TBC1D1: variants seen among roughly 807,000 people sequenced by gnomAD.
The protein encoded by TBC1D1 is TBC1 domain family member 1.
A neutral mutation model predicts 125.6 loss-of-function variants in TBC1D1; 89 were observed. The ratio of observed to expected loss-of-function variants is 0.71; its 90% confidence interval spans 0.60 to 0.85. The LOEUF (loss-of-function observed/expected upper bound fraction) is 0.85, where lower values mean the gene tolerates loss of function less well. Among genes scored for constraint, TBC1D1 ranks in the 40% least tolerant of loss-of-function variants. The pLI is 0.00. For missense variants in TBC1D1, 1,377 were observed against 1,469.2 expected (o/e 0.94, Z 1.03); for synonymous variants, 565 against 564.1 (o/e 1.00, Z -0.02).
intron 3 of TBC1D1, among the ~76,000 whole-genome samples, chr4:38,015,193 T>A (rs965237157): frequency 2.0e-5 from 3 of 152,182 alleles, no homozygotes; most frequent in African/African-American, 7.2e-5. Context: ...AATTTTTATC[T>A]CACCCGGTAA....
At position 37,979,928 on chromosome 4, in the gene TBC1D1, C is replaced by T. The variant is rs556833556; in HGVS notation, c.418-34581C>T. Among the ~76,000 whole-genome samples, 158 of 152,240 alleles carry T rather than the reference C, an allele frequency of 1.0e-3. 1 individual carries two copies. Among genetic ancestry groups the T allele is most frequent in the Middle Eastern group, 3.4e-3 (1 of 294 alleles). On this transcript the variant is annotated intron_variant, in intron 2 of 19. Transcript: ENST00000261439. Reference sequence around the variant, plus strand: ...CCGAGTAGCTGGGATTACAGGCTTGCGCCACCACCCCCGCTAATTTTGTAT... The same window carrying T: ...CCGAGTAGCTGGGATTACAGGCTTGTGCCACCACCCCCGCTAATTTTGTAT...
chr4:37,900,518 A>G (rs116184258), intron 1 of TBC1D1, among the ~76,000 whole-genome samples: 3,913 of 152,020 alleles, frequency 0.026, 180 homozygotes, highest in African/African-American at 0.09. Context: ...TGAGTCAGGC[A>G]CTATGGCAGA....
intron 12 of TBC1D1, among the ~76,000 whole-genome samples, chr4:38,076,913 A>G (rs1405780430): frequency 6.6e-6 from 1 of 152,154 alleles, no homozygotes; most frequent in Non-Finnish European, 1.5e-5. Context: ...TTATTTTACC[A>G]GTAACTCCAG....
chr4:38,054,168 T>C, intron 11 of TBC1D1, 31 bp from the exon 14 acceptor site: 1 of 1,604,902 alleles, frequency 6.2e-7, no homozygotes, highest in Non-Finnish European at 8.5e-7. Flanking sequence ...TCCTCCCCAC[T>C]AGTCATAAAT....
At position 37,977,640 on chromosome 4, in the gene TBC1D1, G is replaced by A; in HGVS notation, c.418-36869G>A. The A allele has an allele frequency of 4.5e-6, 1 of 219,902 alleles. No individual in the cohort carries two copies. Among genetic ancestry groups the A allele is most frequent in the Non-Finnish European group, 7.9e-6 (1 of 127,272 alleles). 13.6% of individuals were successfully genotyped at this position (219,902 alleles called of 1,614,324 possible). A position where few individuals can be genotyped will look rare whatever the true frequency, so the allele number is the denominator to read the frequency against. On this transcript the variant is annotated intron_variant, in intron 2 of 19. Coordinates refer to ENST00000261439, the MANE Select transcript of TBC1D1 (RefSeq NM_015173.4). This position sits in a 1 kb window ranked among gnomAD's most constrained non-coding sequence, Gnocchi z 4.3. ...GGCCGGGCCGCTGGAGGCCAGGCGC[G>A]GCGGGGGGCGAGCGGCGGGCGCGAC... is the stretch of plus-strand genomic sequence containing the variant.
intron 2 of TBC1D1, among the ~76,000 whole-genome samples, chr4:37,953,972 AAGG>A (rs1167842519): frequency 6.6e-6 from 1 of 152,206 alleles, no homozygotes; most frequent in Non-Finnish European, 1.5e-5. Context: ...TTCCCATTGT[AAGG>A]AGATTTCCAA....
At chr4:37,930,381 G>A (rs776410706) in intron 2 of TBC1D1, among the ~76,000 whole-genome samples, 4 of 152,134 alleles carry the variant, frequency 2.6e-5, no homozygotes, top group Non-Finnish European at 5.9e-5. Context: ...GAGTGTAATG[G>A]CGTGATCATG....
chr4:38,047,977 C>A (rs1481721490), intron 10 of TBC1D1, among the ~76,000 whole-genome samples: 1 of 152,126 alleles, frequency 6.6e-6, no homozygotes, highest in African/African-American at 2.4e-5. Context: ...TATACATATT[C>A]ATTCTTCAGG....
chr4:37,995,911 G>C lies in TBC1D1; in HGVS notation c.418-18598G>C, dbSNP rs1737705073. On this transcript the variant is annotated intron_variant, in intron 2 of 19. Coordinates refer to ENST00000261439, the MANE Select transcript of TBC1D1 (RefSeq NM_015173.4). The surrounding 1 kb of genome is among the most constrained non-coding windows in gnomAD (Gnocchi z 4.3). ...GGCTTAACCATGGCAAGCAGCGACAGGACCTTCTCATTCCCAGGGAGAAAT... is the reference window on the plus strand; with the variant it reads ...GGCTTAACCATGGCAAGCAGCGACACGACCTTCTCATTCCCAGGGAGAAAT... 1 of 580,920 alleles carries C rather than the reference G, an allele frequency of 1.7e-6. No homozygotes were observed. The highest frequency in any genetic ancestry group is 3.4e-6 in the Non-Finnish European group (1 of 295,414). The allele number at this position is 580,920 out of a possible 1,614,324, so 36.0% of individuals were successfully genotyped here.
chr4:38,096,087 C>G lies in TBC1D1; in HGVS notation c.2395C>G (p.Gln799Glu), dbSNP rs1759280793. The G allele has an allele frequency of 1.2e-6, 2 of 1,612,006 alleles. No individual in the cohort carries two copies. The highest frequency in any genetic ancestry group is 1.7e-6 in the Non-Finnish European group (2 of 1,178,806). Residue 799 changes from glutamine (Q) to glutamate (E), a missense_variant, in exon 14 of 20, where the codon CAA (glutamine) becomes GAA (glutamate). Physicochemically the swap from Gln to Glu is conservative, Grantham distance 29. Coordinates refer to ENST00000261439, the MANE Select transcript of TBC1D1 (RefSeq NM_015173.4). ...GGAAAAAATGCACTCGGCTGTTGGG[C>G]AAGGTAAGCTTCATTGGGAAGCATC...
rs959227058 is a variant in TBC1D1, at chr4:38,020,709, A to G, written c.1077+14A>G. The stretch of plus-strand genomic sequence containing the variant: ...AATGAGGCTCTGGTGAGAGAGGACA[A>G]GCAATTCTTACCTTGGAACCTTCTT... On this transcript the variant is annotated intron_variant, in intron 5 of 19. Transcript: ENST00000261439. The G allele has an allele frequency of 1.2e-6, 2 of 1,606,910 alleles. No homozygotes were observed. The highest frequency in any genetic ancestry group is 2.7e-5 in the African/African-American group (2 of 74,742).
intron 1 of TBC1D1, among the ~76,000 whole-genome samples, chr4:37,894,511 G>A (rs762644776): frequency 2.0e-4 from 31 of 152,250 alleles, no homozygotes; most frequent in South Asian, 4.1e-4. Context: ...TCTCCTTTGA[G>A]ATGAGCAACA....
intron 2 of TBC1D1, among the ~76,000 whole-genome samples, chr4:37,929,969 A>G (rs909499618): frequency 1.3e-5 from 2 of 152,202 alleles, no homozygotes; most frequent in African/African-American, 2.4e-5. Flanking sequence ...GTGGTTTGCT[A>G]CTGTCCACAA....
chr4:37,930,598 A>G (rs1168239555), intron 2 of TBC1D1, among the ~76,000 whole-genome samples: 2 of 152,240 alleles, frequency 1.3e-5, no homozygotes, highest in Admixed American at 6.5e-5. Context: ...AGTAGCTGCA[A>G]TTACAGATGT....
intron 6 of TBC1D1, 122 bp from the exon 7 acceptor site, chr4:38,027,666 C>A (rs2152445787): frequency 1.9e-6 from 1 of 527,342 alleles, no homozygotes; most frequent in Non-Finnish European, 3.3e-6. Context: ...TTTTTATTTC[C>A]TAAAACCTTG....
intron 7 of TBC1D1, among the ~76,000 whole-genome samples, chr4:38,030,637 C>G (rs1266696904): frequency 1.3e-5 from 2 of 152,198 alleles, no homozygotes; most frequent in African/African-American, 4.8e-5. Context: ...GCTTGAAAAT[C>G]ATACATTTCA....
Position 38,023,258 on chromosome 4 carries a change from AAG to A in TBC1D1, c.1210+1541_1210+1542del, listed in dbSNP as rs200544605. Among the ~76,000 whole-genome samples the A allele has an allele frequency of 1.6e-3, 244 of 149,658 alleles. 1 individual carries two copies. Among genetic ancestry groups the A allele is most frequent in the Middle Eastern group, 0.01 (3 of 290 alleles). On this transcript the variant is annotated intron_variant, in intron 6 of 19. Coordinates refer to ENST00000261439, the MANE Select transcript of TBC1D1 (RefSeq NM_015173.4). ...CGAGATGTCTCAAAAAAAAAAAAAA[AAG>A]GAATATTTATTATAAGCTATAAGTT...
intron 2 of TBC1D1, among the ~76,000 whole-genome samples, chr4:37,902,717 T>G (rs980244480): frequency 6.6e-6 from 1 of 152,230 alleles, no homozygotes; most frequent in Non-Finnish European, 1.5e-5. Flanking sequence ...AAATTATCAG[T>G]TTTTGAGTTC....
At position 38,014,978 on chromosome 4, in the gene TBC1D1, A is replaced by C. The variant is rs1560622570; in HGVS notation, c.882+5A>C. The C allele has an allele frequency of 6.6e-7, 1 of 1,524,880 alleles. No individual in the cohort carries two copies. Among genetic ancestry groups the C allele is most frequent in the Non-Finnish European group, 8.8e-7 (1 of 1,133,948 alleles). The allele number at this position is 1,524,880 out of a possible 1,614,324, so 94.5% of individuals were successfully genotyped here. The stretch of plus-strand genomic sequence containing the variant: ...AATCGAACTATGCTCTTCACGGTAA[A>C]ATATCACCCAGCTCGTGCACAGCCC... On this transcript the variant is annotated splice_donor_5th_base_variant and intron_variant, in intron 3 of 19. Transcript: ENST00000261439. The surrounding 1 kb of genome is among the most constrained non-coding windows in gnomAD (Gnocchi z 5.1).
Sources: allele counts gnomAD v4.1 joint callset (sites outside exome capture counted in the v4.1 genomes callset), GRCh38; gene constraint gnomAD v4.1.1; non-coding constraint Gnocchi (gnomAD v3.1); transcripts MANE v1.5; gene names NCBI Gene and HGNC (gene_info 2026-07-23, HGNC 2026-07-21).